SPOCK3: variants seen among roughly 807,000 people sequenced by gnomAD.
SPOCK3 encodes the protein SPARC (osteonectin), cwcv and kazal like domains proteoglycan 3.
SPOCK3 carries 30 observed loss-of-function variants against 56.6 expected under a neutral mutation model. That is an observed-to-expected ratio of 0.53 (90% CI 0.40 to 0.72). The LOEUF is 0.72. SPOCK3 is among the 30% of genes least tolerant of loss of function. SPOCK3 has a pLI of 0.00. For missense variants in SPOCK3, 527 were observed against 530.0 expected, an observed-to-expected ratio of 0.99 and a Z score of 0.06; for synonymous variants, 196 against 183.3, an observed-to-expected ratio of 1.07 and a Z score of -0.56.
chr4:166,797,947 G>GGGCA (rs1393850660), intron 6 of SPOCK3, among the ~76,000 whole-genome samples: 1 of 151,752 alleles, frequency 6.6e-6, no homozygotes, highest in Non-Finnish European at 1.5e-5. Flanking sequence ...ACAATGTTTC[G>GGGCA]GGCAACAAAG....
intron 2 of SPOCK3, among the ~76,000 whole-genome samples, chr4:167,192,104 C>A (rs777849095): frequency 1.4e-5 from 2 of 145,710 alleles, no homozygotes; most frequent in Non-Finnish European, 3.0e-5. Flanking sequence ...TTATGTTGAA[C>A]AATTTTTGCA....
At chr4:167,211,866 A>G (rs1218429471) in intron 2 of SPOCK3, among the ~76,000 whole-genome samples, 1 of 152,198 alleles carries the variant, frequency 6.6e-6, no homozygotes, top group East Asian at 1.9e-4. Flanking sequence ...CTTTTAATCA[A>G]TTGTTTTAGT....
intron 4 of SPOCK3, among the ~76,000 whole-genome samples, chr4:166,913,660 G>T (rs72697548): frequency 0.05 from 7,521 of 151,842 alleles, 264 homozygotes; most frequent in Non-Finnish European, 0.064. Flanking sequence ...ACAAAATAGT[G>T]GTCCCAAAAG....
intron 6 of SPOCK3, among the ~76,000 whole-genome samples, chr4:166,816,810 A>G (rs1744426454): frequency 6.6e-6 from 1 of 152,070 alleles, no homozygotes; most frequent in Admixed American, 6.6e-5. Flanking sequence ...AAAATCTCCT[A>G]GAAGACAGAA....
chr4:167,056,687 T>C (rs369673652), intron 3 of SPOCK3, among the ~76,000 whole-genome samples: 123 of 151,908 alleles, frequency 8.1e-4, no homozygotes, highest in East Asian at 4.1e-3. Flanking sequence ...AGGGTATCAG[T>C]GATGGAAGAT....
At chr4:167,157,757 C>T (rs997139057) in intron 2 of SPOCK3, among the ~76,000 whole-genome samples, 12 of 151,602 alleles carry the variant, frequency 7.9e-5, no homozygotes, top group African/African-American at 2.9e-4. Context: ...TGTTTAAACA[C>T]ACACACACAC....
At chr4:167,134,579 A>G (rs1045456011) in intron 2 of SPOCK3, among the ~76,000 whole-genome samples, 6 of 152,118 alleles carry the variant, frequency 3.9e-5, no homozygotes, top group Admixed American at 3.3e-4. Context: ...AATTTCTAAA[A>G]CTTAAAGTAT....
rs571272018 is a variant in SPOCK3 at position 167,075,960 on chromosome 4, C to A, written c.190-13423G>T. Among the ~76,000 whole-genome samples, 160 of 152,016 alleles carry A rather than the reference C, an allele frequency of 1.1e-3. 1 individual carries two copies. Among genetic ancestry groups the A allele is most frequent in the African/African-American group, 3.8e-3 (157 of 41,506 alleles). On this transcript the variant is annotated intron_variant, in intron 2 of 10. Transcript: ENST00000357545. ...AAACTTACATTAAAATGAATCACAGCACTAACGAGAAAAGAGATACCAAGC... is the reference window on the plus strand; with the variant it reads ...AAACTTACATTAAAATGAATCACAGAACTAACGAGAAAAGAGATACCAAGC...
At chr4:166,783,149 A>G (rs969463629) in intron 7 of SPOCK3, among the ~76,000 whole-genome samples, 6 of 152,188 alleles carry the variant, frequency 3.9e-5, no homozygotes, top group Non-Finnish European at 5.9e-5. Context: ...ACTTGAGGTA[A>G]GGATTTCAAG....
intron 3 of SPOCK3, among the ~76,000 whole-genome samples, chr4:167,026,003 C>T (rs1273675279): frequency 1.3e-5 from 2 of 152,040 alleles, no homozygotes; most frequent in African/African-American, 2.4e-5. Flanking sequence ...TACATCTAAA[C>T]ATATCTAAAC....
At chr4:167,044,728 T>C (rs1026374464) in intron 3 of SPOCK3, among the ~76,000 whole-genome samples, 1 of 152,130 alleles carries the variant, frequency 6.6e-6, no homozygotes, top group African/African-American at 2.4e-5. Context: ...ATTTTCTGGT[T>C]ATCTTTCTGT....
intron 3 of SPOCK3, chr4:167,011,196 CA>C (rs200494634): frequency 1.3e-3 from 534 of 403,672 alleles, no homozygotes; most frequent in South Asian, 2.4e-3. Context: ...GTAAAAAATA[CA>C]AAAAAAAATG....
intron 4 of SPOCK3, among the ~76,000 whole-genome samples, chr4:166,994,444 T>C (rs1464626155): frequency 6.6e-6 from 1 of 152,134 alleles, no homozygotes; most frequent in Non-Finnish European, 1.5e-5. Context: ...CCTTGTGCTC[T>C]GACATACATT....
chr4:166,850,524 A>T (rs1402821826), intron 6 of SPOCK3, among the ~76,000 whole-genome samples: 1 of 152,170 alleles, frequency 6.6e-6, no homozygotes, highest in Non-Finnish European at 1.5e-5. Flanking sequence ...AACGCAGAAG[A>T]CAGGTGATTT....
intron 3 of SPOCK3, among the ~76,000 whole-genome samples, chr4:167,054,505 T>G (rs1754575005): frequency 6.6e-6 from 1 of 152,206 alleles, no homozygotes; most frequent in African/African-American, 2.4e-5. Flanking sequence ...TCAGGTAATT[T>G]CTGTCATGTC....
intron 2 of SPOCK3, among the ~76,000 whole-genome samples, chr4:167,220,101 C>T (rs1365898948): frequency 6.6e-6 from 1 of 151,992 alleles, no homozygotes; most frequent in Non-Finnish European, 1.5e-5. Context: ...TTTCTCAGAA[C>T]CCAGTCAACA....
At chr4:167,114,628 T>C (rs1032104083) in intron 2 of SPOCK3, among the ~76,000 whole-genome samples, 2 of 152,076 alleles carry the variant, frequency 1.3e-5, no homozygotes, top group Admixed American at 6.6e-5. Context: ...GGAGATAAAG[T>C]GTGACAGACA....
At chr4:167,052,479 A>G (rs1317681520) in intron 3 of SPOCK3, among the ~76,000 whole-genome samples, 1 of 152,140 alleles carries the variant, frequency 6.6e-6, no homozygotes, top group African/African-American at 2.4e-5. Context: ...AATATTCAAA[A>G]CTCCTAAATC....
chr4:166,847,647 T>TATATATATATATATATA (rs1748203803), intron 6 of SPOCK3, among the ~76,000 whole-genome samples: 6 of 55,406 alleles, frequency 1.1e-4, no homozygotes, highest in Admixed American at 3.9e-4. Flanking sequence ...AAATCCTAGT[T>TATATATATATATATATA]TATATATATA....
Sources: gnomAD v4.1 joint callset for allele counts (sites outside exome capture counted in the v4.1 genomes callset) on GRCh38, gnomAD v4.1.1 for gene constraint, MANE v1.5 for transcripts, NCBI Gene and HGNC (gene_info 2026-07-23, HGNC 2026-07-21) for gene names.